DYM: variants seen among roughly 807,000 people sequenced by gnomAD.
DYM encodes the protein dymeclin, also known as dyggve-Melchior-Clausen syndrome protein.
In DYM, 78 loss-of-function variants were observed where a neutral mutation model predicts 93.1. The ratio of observed to expected loss-of-function variants is 0.84; its 90% CI spans 0.70 to 1.01. The LOEUF (loss-of-function observed/expected upper bound fraction) is 1.01. Among genes scored for constraint, DYM ranks in the 50% least tolerant of loss-of-function variants. The pLI is 0.00. For synonymous variants in DYM, 321 were observed against 319.7 expected, an observed-to-expected ratio of 1.00 and a Z score of -0.04; for missense variants, 789 against 845.0, an observed-to-expected ratio of 0.93 and a Z score of 0.82.
intron 14 of DYM, among the ~76,000 whole-genome samples, chr18:49,185,903 A>G (rs1029622729): frequency 3.3e-5 from 5 of 151,978 alleles, no homozygotes; most frequent in African/African-American, 9.7e-5. Context: ...TTGTCTATCA[A>G]CCTCAGCAAC....
intron 2 of DYM, among the ~76,000 whole-genome samples, chr18:49,403,525 C>A (rs2071089714): frequency 6.6e-6 from 1 of 152,174 alleles, no homozygotes; most frequent in Non-Finnish European, 1.5e-5. Flanking sequence ...GATATTCACA[C>A]TGATAAAGAA....
At chr18:49,298,691 A>T (rs1475913912) in intron 8 of DYM, among the ~76,000 whole-genome samples, 2 of 152,052 alleles carry the variant, frequency 1.3e-5, no homozygotes, top group Admixed American at 1.3e-4. Flanking sequence ...AGAAAATAGA[A>T]CTGTTTCCAA....
chr18:49,059,133 C>A (rs2075741804), intron 17 of DYM, among the ~76,000 whole-genome samples: 1 of 152,202 alleles, frequency 6.6e-6, no homozygotes, highest in Non-Finnish European at 1.5e-5. Context: ...CTGATTAAAT[C>A]CCTCTTGCAA....
At chr18:49,177,505 T>C (rs762343328) in intron 14 of DYM, among the ~76,000 whole-genome samples, 16 of 152,174 alleles carry the variant, frequency 1.1e-4, no homozygotes, top group Non-Finnish European at 2.1e-4. Context: ...TTAGTGAATA[T>C]AATTAGTCTT....
At chr18:49,323,010 T>C (rs999545257) in intron 8 of DYM, among the ~76,000 whole-genome samples, 1 of 152,180 alleles carries the variant, frequency 6.6e-6, no homozygotes, top group Non-Finnish European at 1.5e-5. Context: ...TACAGTCCAG[T>C]ACGTCCCTCT....
At chr18:49,327,502 G>C (rs183101987) in intron 8 of DYM, among the ~76,000 whole-genome samples, 1 of 151,866 alleles carries the variant, frequency 6.6e-6, no homozygotes, top group Non-Finnish European at 1.5e-5. Flanking sequence ...GTCTGCAGGC[G>C]CGCACCACCA....
At chr18:49,184,722 A>ACACTATG (rs139151442) in intron 14 of DYM, among the ~76,000 whole-genome samples, 2,286 of 152,324 alleles carry the variant, frequency 0.015, 54 homozygotes, top group African/African-American at 0.051. Flanking sequence ...AAATTTAATT[A>ACACTATG]CACTATGCAG....
chr18:49,154,120 A>T (rs1187325393), intron 15 of DYM, among the ~76,000 whole-genome samples: 1 of 152,132 alleles, frequency 6.6e-6, no homozygotes, highest in Non-Finnish European at 1.5e-5. Context: ...AAATTGGGGG[A>T]TATTCCACAA....
intron 8 of DYM, among the ~76,000 whole-genome samples, chr18:49,289,067 A>C (rs2059852465): frequency 6.6e-6 from 1 of 152,176 alleles, no homozygotes; most frequent in African/African-American, 2.4e-5. Flanking sequence ...AAGAGAAATT[A>C]GGTCAGCACA....
chr18:49,161,087 G>GAA (rs879775833), intron 15 of DYM, among the ~76,000 whole-genome samples: 2 of 104,744 alleles, frequency 1.9e-5, no homozygotes, highest in Admixed American at 9.4e-5. Context: ...TAAATGTTAA[G>GAA]AAAAAAAAAA....
rs186477180 is a variant in DYM at position 49,394,846 on chromosome 18, A to C, written c.141-3201T>G. On this transcript the variant is annotated intron_variant, in intron 2 of 17. Coordinates refer to ENST00000675505, the MANE Select transcript of DYM (RefSeq NM_001353214.3). ...CAACAGAATAAAGAACCCAGAAATA[A>C]ATCCACACATGATTTTTGACAAAGG... Among the ~76,000 whole-genome samples, 3 of 152,308 alleles carry C rather than the reference A, an allele frequency of 2.0e-5. No homozygotes were observed. In the East Asian group the frequency reaches 5.8e-4, roughly 29 times the overall value.
intron 17 of DYM, among the ~76,000 whole-genome samples, chr18:49,083,841 T>C (rs1382225910): frequency 6.6e-6 from 1 of 152,160 alleles, no homozygotes; most frequent in Non-Finnish European, 1.5e-5. Flanking sequence ...TCAATAACGG[T>C]GCTCTTTTTT....
chr18:49,189,604 C>A (rs1249607626), intron 14 of DYM, among the ~76,000 whole-genome samples: 1 of 152,156 alleles, frequency 6.6e-6, no homozygotes, highest in Non-Finnish European at 1.5e-5. Flanking sequence ...AAGTCACAGG[C>A]ATAAGTGAGT....
intron 1 of DYM, among the ~76,000 whole-genome samples, chr18:49,447,065 A>G (rs2082152257): frequency 6.6e-6 from 1 of 151,954 alleles, no homozygotes; most frequent in African/African-American, 2.4e-5. Context: ...CATCACAAAA[A>G]AAAAAAAAAA....
chr18:49,216,573 A>AGATC (rs2093059090), intron 13 of DYM, among the ~76,000 whole-genome samples: 1 of 152,184 alleles, frequency 6.6e-6, no homozygotes, highest in South Asian at 2.1e-4. Flanking sequence ...AGGAACGATC[A>AGATC]GACAGCAGCA....
In DYM at chr18:49,039,686, A is replaced by G. The variant is rs902677569; in HGVS notation, c.*4369T>C. Among the ~76,000 whole-genome samples, 9 of 151,328 alleles carry G rather than the reference A, an allele frequency of 5.9e-5. No homozygotes were observed. The highest frequency in any genetic ancestry group is 2.2e-4 in the African/African-American group (9 of 41,070). On this transcript the variant is annotated 3_prime_UTR_variant, in exon 18 of 18. Transcript: ENST00000675505. Reference sequence around the variant, plus strand: ...TTTCAGTTATTTCTAATCTGCTCTTAAACCTGTTCACTGTTCTTCTCATTA... The same window carrying G: ...TTTCAGTTATTTCTAATCTGCTCTTGAACCTGTTCACTGTTCTTCTCATTA...
intron 2 of DYM, among the ~76,000 whole-genome samples, chr18:49,403,281 A>T (rs78936049): frequency 5.9e-5 from 9 of 152,150 alleles, no homozygotes; most frequent in Non-Finnish European, 8.8e-5. Context: ...AACAACTGTA[A>T]GTGATCTGCT....
chr18:49,375,534 G>A (rs1237232987), intron 5 of DYM: 5 of 151,990 alleles, frequency 3.3e-5, no homozygotes, highest in Non-Finnish European at 7.4e-5. Flanking sequence ...GGTCTTCTGG[G>A]ACAGAAGGGA....
chr18:49,056,651 C>T (rs950488869), intron 17 of DYM, among the ~76,000 whole-genome samples: 6 of 152,038 alleles, frequency 3.9e-5, no homozygotes, highest in African/African-American at 1.4e-4. Flanking sequence ...GATCCTCCCA[C>T]TTTAGACTCC....
Sources: gnomAD v4.1 joint callset for allele counts (sites outside exome capture counted in the v4.1 genomes callset) on GRCh38, gnomAD v4.1.1 for gene constraint, MANE v1.5 for transcripts, NCBI Gene and HGNC (gene_info 2026-07-23, HGNC 2026-07-21) for gene names.